Variants in RRP9 observed in about 807,000 individuals in gnomAD.
RRP9 encodes the protein ribosomal RNA processing 9, U3 small nucleolar RNA binding protein.
In RRP9, 35 loss-of-function variants were observed where a neutral mutation model predicts 65.5. The observed-to-expected ratio is 0.53, with a 90% CI of 0.41 to 0.71. The LOEUF is 0.71. RRP9 is among the 30% of genes least tolerant of loss of function. RRP9 has a pLI of 0.00. For synonymous variants in RRP9, 254 were observed against 245.0 expected, an observed-to-expected ratio of 1.04 and a Z score of -0.34; for missense variants, 533 against 633.6, an observed-to-expected ratio of 0.84 and a Z score of 1.70.
At position 51,938,201 on chromosome 3, in the gene RRP9, T is replaced by C; in HGVS notation, c.174A>G (p.Leu58=). 6.4e-7 allele frequency: 1 copy of C among 1,557,818 alleles called. No homozygotes were observed. Among genetic ancestry groups the C allele is most frequent in the Non-Finnish European group, 8.7e-7 (1 of 1,155,376 alleles). ...CCTCCTCCTCAGGCTTCCTTGGAGC[T>C]AGGCTGTGGGCAGGAAGGGGCTGGG... The part of the protein sequence containing the change: ...EISSDSESES[L]APRKPEEEEE... Residue 58 remains leucine, a synonymous_variant, in exon 3 of 15, where the codon CTA becomes CTG. Coordinates refer to ENST00000232888, the MANE Select transcript of RRP9 (RefSeq NM_004704.5).
At chr3:51,936,616 CCCT>C in intron 6 of RRP9, 61 bp from the exon 7 acceptor site, 1 of 1,549,800 alleles carries the variant, frequency 6.5e-7, no homozygotes, top group Non-Finnish European at 8.8e-7. Flanking sequence ...CTGGCAACCC[CCCT>C]CAAGGGGCAG....
chr3:51,935,727 G>A, intron 8 of RRP9, 35 bp from the exon 9 acceptor site: 1 of 1,551,688 alleles, frequency 6.4e-7, no homozygotes. Context: ...AAGGGGACCT[G>A]GACTACAGCA....
intron 3 of RRP9, 29 bp downstream of exon 3, chr3:51,938,066 G>A: frequency 1.3e-6 from 2 of 1,546,122 alleles, no homozygotes; most frequent in Non-Finnish European, 1.8e-6. Flanking sequence ...CAGAAGCCCT[G>A]CCCATGGCTG....
Position 51,937,567 on chromosome 3 carries a change from A to G in RRP9, c.368T>C (p.Leu123Pro). The change falls in exon 5 of 15, where the codon CTG becomes CCG. Residue 123 changes from leucine to proline, a missense_variant. Physicochemically the swap from Leu to Pro is moderately conservative, Grantham distance 98 (BLOSUM62 -3). Transcript: ENST00000232888. This position sits in a 1 kb window ranked among gnomAD's most constrained non-coding sequence, Gnocchi z 5.0. ...CACCTCTTTTGCCACCAACTTCTGC[A>G]GCCTGCCCCTCTGCTCAAGCTGCAT... ...KEDVLEQRGR[L>P]QKLVAKEIQA... is the part of the protein sequence containing the mutation. 6.2e-7 allele frequency: 1 copy of G among 1,614,230 alleles called. No individual in the cohort carries two copies. The highest frequency in any genetic ancestry group is 8.5e-7 in the Non-Finnish European group (1 of 1,180,040).
At chr3:51,941,532 CCA>C in intron 1 of RRP9, 41 bp from the exon 2 acceptor site, 1 of 1,577,806 alleles carries the variant, frequency 6.3e-7, no homozygotes, top group Non-Finnish European at 8.7e-7. Context: ...GGGGTCCAGA[CCA>C]CCCTGGCATT....
chr3:51,941,357 T>G, intron 2 of RRP9, 52 bp downstream of exon 2: 1 of 1,444,830 alleles, frequency 6.9e-7, no homozygotes. Flanking sequence ...CAGTCTTCCG[T>G]GCACCATGGG....
At chr3:51,940,502 G>A (rs983570635) in intron 2 of RRP9, among the ~76,000 whole-genome samples, 2 of 152,014 alleles carry the variant, frequency 1.3e-5, no homozygotes, top group African/African-American at 2.4e-5. Context: ...ATGCACTTAT[G>A]ACCAGTCCTC....
chr3:51,940,423 A>G (rs1699507204), intron 2 of RRP9, among the ~76,000 whole-genome samples: 1 of 152,128 alleles, frequency 6.6e-6, no homozygotes, highest in Admixed American at 6.5e-5. Flanking sequence ...GACCCTTTGA[A>G]AACCTGCAAG....
rs1559743001 is a variant in RRP9, at chr3:51,934,960, C to T, written c.1035-184G>A. 6.6e-6 allele frequency among the ~76,000 whole-genome samples: 1 copy of T among 152,016 alleles called. No individual in the cohort carries two copies. Among genetic ancestry groups the T allele is most frequent in the African/African-American group, 2.4e-5 (1 of 41,378 alleles). On this transcript the variant is annotated intron_variant, in intron 11 of 14. Coordinates refer to ENST00000232888, the MANE Select transcript of RRP9 (RefSeq NM_004704.5). This position sits in a 1 kb window ranked among gnomAD's most constrained non-coding sequence, Gnocchi z 4.1. ...CAAATACGTACACCTACTAAGCACC[C>T]ACAACAAATTTTTTTTAATTCTAAA...
At chr3:51,940,761 C>G (rs1181693824) in intron 2 of RRP9, among the ~76,000 whole-genome samples, 1 of 152,148 alleles carries the variant, frequency 6.6e-6, no homozygotes, top group African/African-American at 2.4e-5. Context: ...AATCCTCCCG[C>G]CTTGGCCTCC....
At chr3:51,941,067 G>A (rs1699517667) in intron 2 of RRP9, among the ~76,000 whole-genome samples, 1 of 152,212 alleles carries the variant, frequency 6.6e-6, no homozygotes, top group South Asian at 2.1e-4. Flanking sequence ...GAGACGGGGA[G>A]CCCAGTAATT....
chr3:51,937,716 G>A lies in RRP9; in HGVS notation c.301C>T (p.Arg101Cys), dbSNP rs752626674. Residue 101 changes from arginine (R) to cysteine (C), a missense_variant, in exon 4 of 15, where the codon CGT becomes TGT. Transcript: ENST00000232888. This position sits in a 1 kb window ranked among gnomAD's most constrained non-coding sequence, Gnocchi z 5.0. ...GCCACCTGGTCCTCCTCAAATGCAC[G>A]GGCCTCAGCCTTCTCCTCCTCTGTG... The part of the protein sequence containing the change: ...RQQEEEKAEA[R>C]AFEEDQVAGR... The A allele has an allele frequency of 1.3e-5, 21 of 1,613,910 alleles. No homozygotes were observed. The highest frequency in any genetic ancestry group is 9.3e-5 in the African/African-American group (7 of 74,888).
At position 51,937,807 on chromosome 3, in the gene RRP9, C is replaced by T. The variant is rs1699477225; in HGVS notation, c.281-71G>A. ...CTTTCCCTTCCATCCTGTCCCCATC[C>T]CACTGCCCCAGGGCTGGATAATGCA... On this transcript the variant is annotated intron_variant, in intron 3 of 14. Coordinates refer to ENST00000232888, the MANE Select transcript of RRP9 (RefSeq NM_004704.5). This position sits in a 1 kb window ranked among gnomAD's most constrained non-coding sequence, Gnocchi z 5.0. The T allele has an allele frequency of 6.4e-7, 1 of 1,565,814 alleles. No homozygotes were observed.
At position 51,936,273 on chromosome 3, in the gene RRP9, T is replaced by A. The variant is rs761321519; in HGVS notation, c.719A>T (p.His240Leu). The A allele has an allele frequency of 2.1e-5, 34 of 1,613,926 alleles. No homozygotes were observed. The Admixed American group carries it at 5.5e-4, about 26-fold the overall frequency. Residue 240 changes from histidine (H) to leucine (L), a missense_variant, in exon 8 of 15, where the codon CAC becomes CTC. His to Leu is a moderately conservative substitution (Grantham distance 99). Around this residue, in one of 3 missense-constraint regions of RRP9, gnomAD observed 449 missense variants for 550.6 expected, o/e 0.82. Transcript: ENST00000232888. ...SCQHLYTFTG[H>L]RDAVSGLAFR... ...GCTCCTCACCGACACTGCATCCCGG[T>A]GTCCTGTGAAGGTGTACAAGTGCTG...
intron 1 of RRP9, 133 bp downstream of exon 1, chr3:51,941,648 G>T: frequency 9.2e-7 from 1 of 1,086,176 alleles, no homozygotes. Context: ...CCCGCGGAGA[G>T]AGGGACGAAG....
intron 2 of RRP9, among the ~76,000 whole-genome samples, chr3:51,938,567 C>T (rs1425195892): frequency 1.3e-5 from 2 of 152,162 alleles, no homozygotes; most frequent in Non-Finnish European, 2.9e-5. Flanking sequence ...AACAAGAAGA[C>T]AAAGAAGCCT....
chr3:51,939,402 A>G (rs1699491824), intron 2 of RRP9, among the ~76,000 whole-genome samples: 1 of 152,276 alleles, frequency 6.6e-6, no homozygotes, highest in South Asian at 2.1e-4. Context: ...CGCATGAGAC[A>G]GAACGCTAAA....
At chr3:51,933,995 T>C (rs1247158019) in intron 13 of RRP9, among the ~76,000 whole-genome samples, 1 of 152,146 alleles carries the variant, frequency 6.6e-6, no homozygotes, top group Non-Finnish European at 1.5e-5. Context: ...AGCAGTGAGT[T>C]TGTGAGGATG....
rs1443322989 is a variant in RRP9 at position 51,937,435 on chromosome 3, GCT to G, written c.390+108_390+109del. On this transcript the variant is annotated intron_variant, in intron 5 of 14. Transcript: ENST00000232888. This position sits in a 1 kb window ranked among gnomAD's most constrained non-coding sequence, Gnocchi z 5.0. The stretch of plus-strand genomic sequence containing the variant: ...GGCCAGAAGGAAAACAAGACCCAAG[GCT>G]ACAACAACCAGATCCTTACCTGACC... 1.9e-6 allele frequency: 3 copies of G among 1,605,128 alleles called. No homozygotes were observed. The East Asian group carries it at 6.7e-5, about 36-fold the overall frequency.
Sources: allele counts gnomAD v4.1 joint callset (sites outside exome capture counted in the v4.1 genomes callset), GRCh38; gene constraint gnomAD v4.1.1; regional missense constraint gnomAD v4.1.1; non-coding constraint Gnocchi (gnomAD v3.1); transcripts MANE v1.5; gene names NCBI Gene and HGNC (gene_info 2026-07-23, HGNC 2026-07-21).